Variants in PSMA1 observed in about 807,000 individuals in gnomAD.
PSMA1 encodes proteasome subunit alpha type-1.
A neutral mutation model predicts 38.4 loss-of-function variants in PSMA1; 3 were observed. The observed-to-expected ratio is 0.08, with a 90% CI of 0.04 to 0.20. The LOEUF (loss-of-function observed/expected upper bound fraction) is 0.20. Ranked by LOEUF, PSMA1 falls within the 10% of genes least tolerant of loss-of-function variation. The probability of loss-of-function intolerance (pLI) is 1.00; values close to 1 mark genes in which losing one functional copy is unlikely to be tolerated. For synonymous variants in PSMA1, 101 were observed against 107.1 expected, an observed-to-expected ratio of 0.94 and a Z score of 0.35; for missense variants, 227 against 325.3, an observed-to-expected ratio of 0.70 and a Z score of 2.32.
At chr11:14,624,242 G>A (rs534157089) in intron 1 of PSMA1, among the ~76,000 whole-genome samples, 1 of 152,202 alleles carries the variant, frequency 6.6e-6, no homozygotes, top group African/African-American at 2.4e-5. Flanking sequence ...CCTTTGCAGA[G>A]AGAAGCTCAG....
chr11:14,572,891 A>G (rs1852163388), intron 2 of PSMA1, among the ~76,000 whole-genome samples: 1 of 152,236 alleles, frequency 6.6e-6, no homozygotes, highest in Non-Finnish European at 1.5e-5. Context: ...AAACACCTCT[A>G]CGCAAATAAA....
At chr11:14,585,777 T>C (rs920252008) in intron 2 of PSMA1, among the ~76,000 whole-genome samples, 4 of 152,178 alleles carry the variant, frequency 2.6e-5, no homozygotes, top group African/African-American at 9.7e-5. Context: ...CCCTGAAACC[T>C]GGCTGCACAT....
intron 9 of PSMA1, among the ~76,000 whole-genome samples, chr11:14,506,098 C>T (rs1396651890): frequency 6.6e-6 from 1 of 152,126 alleles, no homozygotes; most frequent in East Asian, 1.9e-4. Context: ...AGCAGGCTAT[C>T]AGAAGATTTT....
At chr11:14,593,709 G>A (rs1485797251) in intron 2 of PSMA1, among the ~76,000 whole-genome samples, 3 of 150,778 alleles carry the variant, frequency 2.0e-5, no homozygotes, top group African/African-American at 4.9e-5. Context: ...CACAAAGATC[G>A]GCTTTCTTTC....
intron 2 of PSMA1, among the ~76,000 whole-genome samples, chr11:14,535,157 A>C (rs938762256): frequency 7.9e-5 from 7 of 88,400 alleles, no homozygotes; most frequent in African/African-American, 3.2e-4. Context: ...TCAGAAGCTA[A>C]GGTTTTTTTT....
At chr11:14,521,775 A>AC (rs1323808624), upstream of PSMA1, among the ~76,000 whole-genome samples, 23 of 151,550 alleles carry the variant, frequency 1.5e-4, 2 homozygotes, top group East Asian at 7.7e-4. Context: ...CAAAAAAAAA[A>AC]AAACAAAAAA....
intron 1 of PSMA1, among the ~76,000 whole-genome samples, chr11:14,626,263 G>T (rs1852910892): frequency 6.6e-6 from 1 of 152,054 alleles, no homozygotes; most frequent in African/African-American, 2.4e-5. Context: ...ACTCAAGTGT[G>T]CCCTGAAGGA....
At chr11:14,589,627 C>A (rs577956167) in intron 2 of PSMA1, among the ~76,000 whole-genome samples, 1 of 151,834 alleles carries the variant, frequency 6.6e-6, no homozygotes, top group Non-Finnish European at 1.5e-5. Flanking sequence ...TGAAATTGAC[C>A]CCTCAGGGAA....
chr11:14,626,888 C>T (rs1400999335), intron 1 of PSMA1, among the ~76,000 whole-genome samples: 1 of 152,156 alleles, frequency 6.6e-6, no homozygotes, highest in African/African-American at 2.4e-5. Context: ...CATAACAAAA[C>T]ACCATAGATT....
At chr11:14,539,304 ACT>A in intron 2 of PSMA1, among the ~76,000 whole-genome samples, 1 of 152,218 alleles carries the variant, frequency 6.6e-6, no homozygotes, top group Non-Finnish European at 1.5e-5. Flanking sequence ...TTCTGCAGTC[ACT>A]GTTATTTTTA....
chr11:14,544,042 A>G (rs553910303), intron 2 of PSMA1, among the ~76,000 whole-genome samples: 22 of 152,310 alleles, frequency 1.4e-4, no homozygotes, highest in African/African-American at 5.3e-4. Context: ...CCTCAAAATA[A>G]AACTTTTTCT....
chr11:14,544,687 G>A (rs1023540845), intron 2 of PSMA1, among the ~76,000 whole-genome samples: 3 of 152,168 alleles, frequency 2.0e-5, no homozygotes, highest in African/African-American at 7.2e-5. Flanking sequence ...ACAGGGGTTG[G>A]AGAGGATATT....
At chr11:14,642,186 C>T (rs959348238) in intron 1 of PSMA1, among the ~76,000 whole-genome samples, 5 of 152,132 alleles carry the variant, frequency 3.3e-5, no homozygotes, top group African/African-American at 9.7e-5. Flanking sequence ...GAATTTATAA[C>T]GGGAATTTCA....
upstream of PSMA1, among the ~76,000 whole-genome samples, chr11:14,522,158 T>C (rs1046614248): frequency 6.6e-6 from 1 of 152,226 alleles, no homozygotes; most frequent in Admixed American, 6.5e-5. Context: ...GATACTGTTT[T>C]TATTAATACA....
At chr11:14,531,548 G>A (rs7110118) in intron 2 of PSMA1, among the ~76,000 whole-genome samples, 7,890 of 152,082 alleles carry the variant, frequency 0.052, 292 homozygotes, top group East Asian at 0.13. Context: ...CCGTAGCCTC[G>A]ACCTCCTGGG....
chr11:14,602,395 T>C (rs16930368), intron 2 of PSMA1, among the ~76,000 whole-genome samples: 19,984 of 152,110 alleles, frequency 0.13, 1,528 homozygotes, highest in African/African-American at 0.2. Context: ...ATTATCTTCC[T>C]TGACCTGGTA....
At position 14,534,970 on chromosome 11, in the gene PSMA1, A is replaced by C. The variant is rs764123852; in HGVS notation, c.22-15929T>G. 6.6e-6 allele frequency among the ~76,000 whole-genome samples: 1 copy of C among 152,134 alleles called. No homozygotes were observed. Among genetic ancestry groups the C allele is most frequent in the South Asian group, 2.1e-4 (1 of 4,816 alleles). ...ACGCCTGTAATCCCAGCTACTCGGG[A>C]GGCTGAGGCAGGAGAATTGCTTGAA... On this transcript the variant is annotated intron_variant, in intron 2 of 10. Transcript: ENST00000418988. This position sits in a 1 kb window ranked among gnomAD's most constrained non-coding sequence, Gnocchi z 4.5.
intron 9 of PSMA1, among the ~76,000 whole-genome samples, chr11:14,506,301 G>A (rs1851244158): frequency 6.6e-6 from 1 of 152,020 alleles, no homozygotes; most frequent in East Asian, 1.9e-4. Flanking sequence ...TCACTACTAT[G>A]TTTAAAATAC....
chr11:14,586,748 A>G (rs1040861184), intron 2 of PSMA1, among the ~76,000 whole-genome samples: 2 of 150,678 alleles, frequency 1.3e-5, no homozygotes, highest in African/African-American at 4.9e-5. Context: ...GCCATCATCA[A>G]TCTCTCTTTC....
Sources: gnomAD v4.1 joint callset for allele counts (sites outside exome capture counted in the v4.1 genomes callset) on GRCh38, gnomAD v4.1.1 for gene constraint, Gnocchi (gnomAD v3.1) non-coding constraint, MANE v1.5 for transcripts, NCBI Gene and HGNC (gene_info 2026-07-23, HGNC 2026-07-21) for gene names.